The following SAMMSON variants were observed in gnomAD, a reference collection of about 807,000 sequenced individuals.
SAMMSON encodes survival associated mitochondrial melanoma specific oncogenic non-coding RNA.
intron 3 of SAMMSON, among the ~76,000 whole-genome samples, chr3:70,034,897 A>G (rs974627462): frequency 6.6e-6 from 1 of 152,164 alleles, no homozygotes; most frequent in Non-Finnish European, 1.5e-5. Flanking sequence ...ACCCTACACT[A>G]TTAAGAGGAA....
At chr3:70,236,638 C>T (rs944626534) in intron 4 of SAMMSON, among the ~76,000 whole-genome samples, 5 of 152,158 alleles carry the variant, frequency 3.3e-5, no homozygotes, top group Non-Finnish European at 5.9e-5. Context: ...CTCTGTCACC[C>T]AGGCTGGAGT....
At chr3:70,042,732 T>A (rs1404750116) in intron 3 of SAMMSON, among the ~76,000 whole-genome samples, 2 of 152,094 alleles carry the variant, frequency 1.3e-5, no homozygotes, top group Admixed American at 1.3e-4. Context: ...GCGTTTAATG[T>A]TGAACTGAGT....
chr3:70,103,042 T>C (rs1311633412), intron 4 of SAMMSON, among the ~76,000 whole-genome samples: 1 of 152,148 alleles, frequency 6.6e-6, no homozygotes, highest in South Asian at 2.1e-4. Flanking sequence ...CATATAAATA[T>C]GTAAAGCAGG....
At chr3:70,291,182 CCT>C (rs950800202) in exon 7 of SAMMSON, 2 of 152,092 alleles carry the variant, frequency 1.3e-5, no homozygotes, top group African/African-American at 4.8e-5. Context: ...CATCCAGGGC[CCT>C]GGAGCCAGAC....
chr3:70,245,659 T>C (rs1405825927), intron 4 of SAMMSON, among the ~76,000 whole-genome samples: 4 of 134,688 alleles, frequency 3.0e-5, no homozygotes, highest in South Asian at 2.3e-4. Flanking sequence ...CATAACGTTT[T>C]TGCAAACTGC....
rs190139279 is a variant in SAMMSON at position 70,371,649 on chromosome 3, T to C, written n.913+13325T>C. Among the ~76,000 whole-genome samples the C allele has an allele frequency of 4.6e-5, 7 of 152,306 alleles. No individual in the cohort carries two copies. The East Asian group carries it at 1.3e-3, about 29-fold the overall frequency. ...TTTCTTTTTCAGCTAATTATTGTTG[T>C]GTAGAAATGCTATTGATTTTTTTCA... On this transcript the variant is annotated intron_variant and non_coding_transcript_variant, in intron 9 of 9. Coordinates refer to ENST00000642114, the Ensembl canonical transcript of SAMMSON.
chr3:70,310,358 A>G (rs1028509685), intron 7 of SAMMSON, among the ~76,000 whole-genome samples: 2 of 151,600 alleles, frequency 1.3e-5, no homozygotes, highest in Non-Finnish European at 2.9e-5. Flanking sequence ...ATTATTTTTA[A>G]TTTTATGTAT....
rs114934164 is a variant in SAMMSON, at chr3:70,061,864, T to C, written n.418-9612T>C. Among the ~76,000 whole-genome samples, 1,018 of 152,274 alleles carry C rather than the reference T, an allele frequency of 6.7e-3. 11 individuals are homozygous for C. The highest frequency in any genetic ancestry group is 0.022 in the African/African-American group (909 of 41,576). Reference sequence around the variant, plus strand: ...TGTCACTTGCAACAGCTTCACTTGATTCTGCCATCTCCCAAGTTCTTTTTT... The same window carrying C: ...TGTCACTTGCAACAGCTTCACTTGACTCTGCCATCTCCCAAGTTCTTTTTT... On this transcript the variant is annotated intron_variant and non_coding_transcript_variant, in intron 3 of 9. Coordinates refer to ENST00000642114, the Ensembl canonical transcript of SAMMSON.
At chr3:70,390,477 G>T (rs899659502), downstream of SAMMSON, among the ~76,000 whole-genome samples, 5 of 152,050 alleles carry the variant, frequency 3.3e-5, no homozygotes, top group African/African-American at 1.2e-4. Flanking sequence ...TCTGGTTTTG[G>T]GGAGGCCTCA....
At chr3:70,081,387 A>G (rs1315313178) in intron 4 of SAMMSON, among the ~76,000 whole-genome samples, 1 of 152,224 alleles carries the variant, frequency 6.6e-6, no homozygotes, top group African/African-American at 2.4e-5. Context: ...TGGAGGGATT[A>G]CAGGCGTGAG....
At chr3:70,158,710 GT>G (rs2067601990) in intron 4 of SAMMSON, among the ~76,000 whole-genome samples, 1 of 151,938 alleles carries the variant, frequency 6.6e-6, no homozygotes, top group Admixed American at 6.6e-5. Flanking sequence ...TAAATCCACA[GT>G]TTAGGAGATG....
At chr3:70,166,247 A>C (rs1014108590) in intron 4 of SAMMSON, among the ~76,000 whole-genome samples, 1 of 151,946 alleles carries the variant, frequency 6.6e-6, no homozygotes, top group Non-Finnish European at 1.5e-5. Flanking sequence ...TATGTGAAAA[A>C]ATGTCCTGGT....
At chr3:70,005,322 G>A (rs1383700504) in intron 1 of SAMMSON, among the ~76,000 whole-genome samples, 1 of 149,678 alleles carries the variant, frequency 6.7e-6, no homozygotes, top group Non-Finnish European at 1.5e-5. Context: ...CATTAGGAAT[G>A]CTAGTAGAGC....
chr3:70,199,242 A>T (rs1004125314), intron 4 of SAMMSON, among the ~76,000 whole-genome samples: 2 of 152,268 alleles, frequency 1.3e-5, no homozygotes, highest in Admixed American at 1.3e-4. Context: ...AGTGTGAAGG[A>T]CCTGTTCGTA....
chr3:70,345,407 C>G (rs932654777), intron 7 of SAMMSON, among the ~76,000 whole-genome samples: 6 of 152,180 alleles, frequency 3.9e-5, no homozygotes, highest in Non-Finnish European at 8.8e-5. Flanking sequence ...CCAACACTTT[C>G]AAGTGAGACT....
chr3:70,184,471 C>G (rs978415875), intron 4 of SAMMSON, among the ~76,000 whole-genome samples: 6 of 152,166 alleles, frequency 3.9e-5, no homozygotes, highest in African/African-American at 1.4e-4. Flanking sequence ...AAGGGTTTAA[C>G]TTTTTCACCC....
At chr3:70,360,809 G>A (rs1702865354) in intron 9 of SAMMSON, among the ~76,000 whole-genome samples, 1 of 152,036 alleles carries the variant, frequency 6.6e-6, no homozygotes, top group Non-Finnish European at 1.5e-5. Flanking sequence ...TTGGAATTAT[G>A]CATTTATATT....
chr3:70,404,167 G>A (rs888794811), intron 2 of SAMMSON, among the ~76,000 whole-genome samples: 1 of 151,918 alleles, frequency 6.6e-6, no homozygotes, highest in Non-Finnish European at 1.5e-5. Flanking sequence ...TGGATATTAT[G>A]TAGTTTCTTA....
intron 3 of SAMMSON, among the ~76,000 whole-genome samples, chr3:70,032,757 G>T (rs1449591501): frequency 1.3e-5 from 2 of 152,212 alleles, no homozygotes; most frequent in African/African-American, 4.8e-5. Flanking sequence ...TTCCTCAAGA[G>T]TTCAGAGCCC....
Sources: gnomAD v4.1 joint callset for allele counts (sites outside exome capture counted in the v4.1 genomes callset) on GRCh38, gnomAD v4.1.1 for gene constraint, MANE v1.5 for transcripts, NCBI Gene and HGNC (gene_info 2026-07-23, HGNC 2026-07-21) for gene names.